The following CASZ1 variants were observed in gnomAD, a reference collection of about 807,000 sequenced individuals.
CASZ1 encodes castor zinc finger 1, also known as zinc finger protein castor homolog 1.
CASZ1 carries 28 observed loss-of-function variants against 135.2 expected under a neutral mutation model. The ratio of observed to expected loss-of-function variants is 0.21; its 90% CI spans 0.15 to 0.28. The LOEUF (loss-of-function observed/expected upper bound fraction) is 0.28, where lower values mean the gene tolerates loss of function less well. CASZ1 is among the 10% of genes least tolerant of loss of function. CASZ1 has a pLI of 1.00. For missense variants in CASZ1, 2,161 were observed against 2,453.3 expected (o/e 0.88, Z 2.52); for synonymous variants, 1,068 against 1,073.4 (o/e 0.99, Z 0.10).
At position 10,654,176 on chromosome 1, in the gene CASZ1, G is replaced by A. The variant is rs766969373; in HGVS notation, c.1881C>T (p.Ile627=). 22 of 1,614,216 alleles carry A rather than the reference G, an allele frequency of 1.4e-5. No homozygotes were observed. The highest frequency in any genetic ancestry group is 4.5e-5 in the East Asian group (2 of 44,880). ...TGATGTGGTAGCTCTTGTGCTTCTC[G>A]ATGTCACACTTGTTCTTGAAAGTGA... ...CTFTFKNKCD[I]EKHKSYHIKD... is the part of the protein sequence containing the mutation. Residue 627 remains isoleucine (I), a synonymous_variant, in exon 11 of 21, where the codon ATC becomes ATT. Transcript: ENST00000377022.
rs1642110486 is a variant in CASZ1, at chr1:10,639,229, CGGCGGCGCCCTCGCGCGGCCCGGG to C, written c.4969_4992del (p.Pro1657_Ala1664del). On this transcript the variant is annotated inframe_deletion, in exon 21 of 21. Coordinates refer to ENST00000377022, the MANE Select transcript of CASZ1 (RefSeq NM_001079843.3). The surrounding 1 kb of genome is among the most constrained non-coding windows in gnomAD (Gnocchi z 4.0). ...GACTCCCCAGCTGCGGCGGCGGCGG[CGGCGGCGCCCTCGCGCGGCCCGGG>C]GGCGGCGGCGTCGGGCGGGCCGGGG... The C allele has an allele frequency of 2.2e-6, 2 of 920,574 alleles. No homozygotes were observed. The highest frequency in any genetic ancestry group is 1.3e-4 in the Admixed American group (2 of 15,676). 57.0% of individuals were successfully genotyped at this position (920,574 alleles called of 1,614,324 possible). A position where few individuals can be genotyped will look rare whatever the true frequency, so the allele number is the denominator to read the frequency against.
chr1:10,708,891 G>A, intron 2 of CASZ1, among the ~76,000 whole-genome samples: 1 of 150,580 alleles, frequency 6.6e-6, no homozygotes, highest in Admixed American at 6.6e-5. Context: ...CTGGGCGCTG[G>A]GAGGACCAGA....
At chr1:10,667,886 G>A (rs1052669129) in intron 4 of CASZ1, among the ~76,000 whole-genome samples, 4 of 144,312 alleles carry the variant, frequency 2.8e-5, no homozygotes, top group African/African-American at 7.9e-5. Context: ...CTGTGTGCCT[G>A]GCTCAGTCCC....
At chr1:10,718,335 C>A (rs924833906) in intron 2 of CASZ1, among the ~76,000 whole-genome samples, 3 of 152,238 alleles carry the variant, frequency 2.0e-5, no homozygotes, top group South Asian at 2.1e-4. Flanking sequence ...CCACACACAG[C>A]CTGTTGGTTG....
intron 15 of CASZ1, 31 bp downstream of exon 15, chr1:10,649,039 C>G (rs1346411464): frequency 6.2e-7 from 1 of 1,608,236 alleles, no homozygotes; most frequent in South Asian, 1.1e-5. Context: ...CCGTGGGGCT[C>G]TGTGGAAATG....
chr1:10,681,955 C>T (rs755672353), intron 4 of CASZ1, among the ~76,000 whole-genome samples: 12 of 152,226 alleles, frequency 7.9e-5, no homozygotes, highest in East Asian at 1.9e-4. Flanking sequence ...GAACATTTCT[C>T]GGCGAGAGGA....
At position 10,639,325 on chromosome 1, in the gene CASZ1, G is replaced by A; in HGVS notation, c.4897C>T (p.Gln1633Ter). ...AGGCCCAGGCCGGCGGCCGCCGACT[G>A]CAGGAAGAGCAGCGAGCCCGGCTCG... ...GAEPGSLLFL[Q>*]SAAAGLGLAL... Residue 1633 changes from glutamine (Q) to a stop codon, truncating the protein, a stop_gained, in exon 21 of 21, where the codon CAG becomes TAG. Transcript: ENST00000377022. LOFTEE classifies it low-confidence loss of function (END_TRUNC). The surrounding 1 kb of genome is among the most constrained non-coding windows in gnomAD (Gnocchi z 4.0). The A allele has an allele frequency of 1.4e-6, 2 of 1,474,334 alleles. No individual in the cohort carries two copies. Among genetic ancestry groups the A allele is most frequent in the Non-Finnish European group, 1.8e-6 (2 of 1,121,280 alleles). 91.3% of individuals were successfully genotyped at this position (1,474,334 alleles called of 1,614,324 possible).
Position 10,694,031 on chromosome 1 carries a change from CG to C in CASZ1, c.-23-120del. On this transcript the variant is annotated intron_variant, in intron 3 of 20. Coordinates refer to ENST00000377022, the MANE Select transcript of CASZ1 (RefSeq NM_001079843.3). The surrounding 1 kb of genome is among the most constrained non-coding windows in gnomAD (Gnocchi z 6.6). ...CCCCGCAGGAGCGGCCCGTCCCGGG[CG>C]GGCGCCGAGGCCGCGGCGGAGAAAC... The C allele has an allele frequency of 1.1e-6, 1 of 931,562 alleles. No individual in the cohort carries two copies. The highest frequency in any genetic ancestry group is 1.7e-5 in the South Asian group (1 of 59,284). The allele number at this position is 931,562 out of a possible 1,614,324, so 57.7% of individuals were successfully genotyped here.
intron 2 of CASZ1, among the ~76,000 whole-genome samples, chr1:10,748,881 C>T (rs774856030): frequency 3.3e-5 from 5 of 152,238 alleles, no homozygotes; most frequent in African/African-American, 4.8e-5. Flanking sequence ...GCAGCAGATG[C>T]GAATCAGACC....
intron 2 of CASZ1, among the ~76,000 whole-genome samples, chr1:10,728,100 TCCAGTGTC>T (rs1194562729): frequency 2.6e-5 from 4 of 152,190 alleles, no homozygotes; most frequent in Admixed American, 1.3e-4. Flanking sequence ...TATGGGGCCT[TCCAGTGTC>T]CCCTTGGCAC....
In CASZ1 at chr1:10,653,435, C is replaced by T. The variant is rs777289390; in HGVS notation, c.2622G>A (p.Ser874=). ...ERISASKGLI[S]PMMARLAAAA... ...CTGCAGCCAGCCTGGCCATCATGGG[C>T]GAGATGAGGCCCTTGCTTGCAGAGA... The change falls in exon 11 of 21, where the codon TCG becomes TCA. Residue 874 remains serine (S), a synonymous_variant. Coordinates refer to ENST00000377022, the MANE Select transcript of CASZ1 (RefSeq NM_001079843.3). 1.2e-6 allele frequency: 2 copies of T among 1,613,350 alleles called. No homozygotes were observed. The highest frequency in any genetic ancestry group is 1.1e-5 in the South Asian group (1 of 91,092).
rs763630612 is a variant in CASZ1 at position 10,706,088 on chromosome 1, C to T, written c.-76-544G>A. On this transcript the variant is annotated intron_variant, in intron 2 of 20. Transcript: ENST00000377022. This position sits in a 1 kb window ranked among gnomAD's most constrained non-coding sequence, Gnocchi z 4.3. ...GCCAGGGGCCAAGGCATCAGGAAGC[C>T]TCCATGCCCCAGGATCAGGCTGCCG... 2.0e-5 allele frequency among the ~76,000 whole-genome samples: 3 copies of T among 152,254 alleles called. No individual in the cohort carries two copies. Among genetic ancestry groups the T allele is most frequent in the Non-Finnish European group, 4.4e-5 (3 of 68,048 alleles).
At chr1:10,789,239 C>T (rs1029573476) in intron 1 of CASZ1, among the ~76,000 whole-genome samples, 6 of 151,016 alleles carry the variant, frequency 4.0e-5, no homozygotes, top group Non-Finnish European at 3.0e-5. Context: ...TTTGAGATCC[C>T]CTGGGTCATC....
In CASZ1 at chr1:10,699,330, T is replaced by C. The variant is rs928362581; in HGVS notation, c.-23-5418A>G. ...CCCCCATTTCCTTTTAGGGAAGTGCTGGCCACAACCCCAAACAGTAGCCCC... is the reference window on the plus strand; with the variant it reads ...CCCCCATTTCCTTTTAGGGAAGTGCCGGCCACAACCCCAAACAGTAGCCCC... On this transcript the variant is annotated intron_variant, in intron 3 of 20. Coordinates refer to ENST00000377022, the MANE Select transcript of CASZ1 (RefSeq NM_001079843.3). This position sits in a 1 kb window ranked among gnomAD's most constrained non-coding sequence, Gnocchi z 4.6. 2.6e-5 allele frequency among the ~76,000 whole-genome samples: 4 copies of C among 152,230 alleles called. No homozygotes were observed. The highest frequency in any genetic ancestry group is 7.2e-5 in the African/African-American group (3 of 41,462).
intron 4 of CASZ1, among the ~76,000 whole-genome samples, chr1:10,681,944 C>A (rs975239574): frequency 6.6e-6 from 1 of 152,214 alleles, no homozygotes; most frequent in African/African-American, 2.4e-5. Flanking sequence ...CCCAGTTGTT[C>A]GAACATTTCT....
At position 10,653,554 on chromosome 1, in the gene CASZ1, CA is replaced by C; in HGVS notation, c.2502del (p.Asp835ThrfsTer42). On this transcript the variant is annotated frameshift_variant, in exon 11 of 21. Coordinates refer to ENST00000377022, the MANE Select transcript of CASZ1 (RefSeq NM_001079843.3). LOFTEE classifies it high-confidence loss of function. ...CCCGAGGCGACCAGCGTGGGTGTGT[CA>C]GGGGTGGCTGAGGCTGCTGACCCAG... ...VSSGSAASAT[P>X]DTPTLVASGA... 6.3e-7 allele frequency: 1 copy of C among 1,585,740 alleles called. No individual in the cohort carries two copies. Among genetic ancestry groups the C allele is most frequent in the Non-Finnish European group, 8.6e-7 (1 of 1,163,868 alleles).
At chr1:10,796,382 G>A (rs1345367973) in intron 1 of CASZ1, among the ~76,000 whole-genome samples, 182 bp downstream of exon 1, 1 of 152,096 alleles carries the variant, frequency 6.6e-6, no homozygotes, top group Admixed American at 6.5e-5. Context: ...GGCAGCCGCC[G>A]ATCGCAGGCT....
intron 7 of CASZ1, chr1:10,658,211 G>A: frequency 2.6e-6 from 1 of 385,928 alleles, no homozygotes; most frequent in Non-Finnish European, 4.9e-6. Flanking sequence ...CAGGACCCAG[G>A]CAAGCTGGGG....
At position 10,700,197 on chromosome 1, in the gene CASZ1, C is replaced by A. The variant is rs1184847161; in HGVS notation, c.-24+5295G>T. Among the ~76,000 whole-genome samples, 1 of 152,132 alleles carries A rather than the reference C, an allele frequency of 6.6e-6. No homozygotes were observed. Among genetic ancestry groups the A allele is most frequent in the African/African-American group, 2.4e-5 (1 of 41,420 alleles). Reference sequence around the variant, plus strand: ...CTGTGGCCCCAGCCCGGGCGGGGACCTGTTCTGGAATGTTGGGTTGGCATT... The same window carrying A: ...CTGTGGCCCCAGCCCGGGCGGGGACATGTTCTGGAATGTTGGGTTGGCATT... On this transcript the variant is annotated intron_variant, in intron 3 of 20. Coordinates refer to ENST00000377022, the MANE Select transcript of CASZ1 (RefSeq NM_001079843.3). This position sits in a 1 kb window ranked among gnomAD's most constrained non-coding sequence, Gnocchi z 4.2.
Sources: gnomAD v4.1 joint callset for allele counts (sites outside exome capture counted in the v4.1 genomes callset) on GRCh38, gnomAD v4.1.1 for gene constraint, Gnocchi (gnomAD v3.1) non-coding constraint, MANE v1.5 for transcripts, NCBI Gene and HGNC (gene_info 2026-07-23, HGNC 2026-07-21) for gene names.